Variants in ZNF596 observed in about 807,000 individuals in gnomAD.
The protein encoded by ZNF596 is zinc finger protein 596.
Under a neutral mutation model 48.3 loss-of-function variants are expected in ZNF596, and 45 were observed. The ratio of observed to expected loss-of-function variants is 0.93; its 90% CI spans 0.73 to 1.19. The LOEUF (loss-of-function observed/expected upper bound fraction) is 1.19, where lower values mean the gene tolerates loss of function less well. Among genes scored for constraint, ZNF596 ranks in the 50% most tolerant of loss-of-function variants. The probability of loss-of-function intolerance (pLI) is 0.00; values close to 1 mark genes in which losing one functional copy is unlikely to be tolerated. For synonymous variants in ZNF596, 270 were observed against 202.0 expected, an observed-to-expected ratio of 1.34 and a Z score of -2.85; for missense variants, 848 against 599.7, an observed-to-expected ratio of 1.41 and a Z score of -4.32.
At chr8:240,801 T>C in intron 1 of ZNF596, 23 bp from the exon 2 acceptor site, 1 of 1,525,188 alleles carries the variant, frequency 6.6e-7, no homozygotes, top group Non-Finnish European at 9.1e-7. Context: ...GGTTTTTTTG[T>C]TTTTGTTTTT....
rs1796956069 is a variant in ZNF596, at chr8:243,902, T to G, written c.223+97T>G. 1.2e-5 allele frequency: 13 copies of G among 1,066,898 alleles called. No individual in the cohort carries two copies. In the South Asian group the frequency reaches 1.4e-4, roughly 11 times the overall value. The allele number at this position is 1,066,898 out of a possible 1,614,324, so 66.1% of individuals were successfully genotyped here. On this transcript the variant is annotated intron_variant, in intron 4 of 5. Transcript: ENST00000398612. ...TTGCCAAAGGAAGATTTCTTTTGTT[T>G]TTTTAGACAGAATCTCACTCTGTCA...
At chr8:237,817 T>C (rs531810622) in intron 1 of ZNF596, 3 of 152,258 alleles carry the variant, frequency 2.0e-5, no homozygotes, top group Non-Finnish European at 4.4e-5. Context: ...ACTTGACATG[T>C]AGCAGACCCA....
chr8:241,245 G>A (rs186847176), intron 2 of ZNF596, among the ~76,000 whole-genome samples: 2 of 152,122 alleles, frequency 1.3e-5, no homozygotes, highest in East Asian at 1.9e-4. Flanking sequence ...GTTATTGGCA[G>A]GAGTGGGCTT....
rs1416786265 is a variant in ZNF596, at chr8:246,261, G to C, written c.1414G>C (p.Glu472Gln). ...ACTTCATAGAAGAGTTCACACTGGA[G>C]AGAAACCATATGTATGTCCTCTATG... ...FRLHRRVHTG[E>Q]KPYVCPLCGK... The change falls in exon 6 of 6, where the codon GAG (glutamate) becomes CAG (glutamine). Residue 472 changes from glutamate to glutamine, a missense_variant. Transcript: ENST00000398612. 3.1e-6 allele frequency: 5 copies of C among 1,613,128 alleles called. No individual in the cohort carries two copies. Among genetic ancestry groups the C allele is most frequent in the East Asian group, 2.2e-5 (1 of 44,788 alleles).
intron 2 of ZNF596, among the ~76,000 whole-genome samples, chr8:241,537 AT>A (rs1177653742): frequency 6.6e-6 from 1 of 152,214 alleles, no homozygotes; most frequent in African/African-American, 2.4e-5. Flanking sequence ...CTCTGATCAA[AT>A]TTGATAACTG....
At position 242,910 on chromosome 8, in the gene ZNF596, C is replaced by G; in HGVS notation, c.36C>G (p.Ile12Met). ...AGGATTCCATGACCTTCGAGGATAT[C>G]ATTGTAGACTTCACTCAAGAAGAGT... is the stretch of plus-strand genomic sequence containing the variant. ...PSPDSMTFED[I>M]IVDFTQEEWA... Residue 12 changes from isoleucine (I) to methionine (M), a missense_variant, in exon 3 of 6, where the codon ATC becomes ATG. Ile to Met is a conservative substitution (Grantham distance 10). Transcript: ENST00000398612. The G allele has an allele frequency of 6.3e-7, 1 of 1,585,140 alleles. No homozygotes were observed. Among genetic ancestry groups the G allele is most frequent in the Admixed American group, 1.7e-5 (1 of 57,904 alleles).
In ZNF596 at chr8:246,405, A is replaced by G. The variant is rs1296245316; in HGVS notation, c.*43A>G. On this transcript the variant is annotated 3_prime_UTR_variant, in exon 6 of 6. Coordinates refer to ENST00000398612, the MANE Select transcript of ZNF596 (RefSeq NM_001042416.3). ...GTTAACACTAAATACACCAAGGACA[A>G]ACATACTACAGGAATATTATGTCTG... 7 of 1,527,280 alleles carry G rather than the reference A, an allele frequency of 4.6e-6. No homozygotes were observed. Among genetic ancestry groups the G allele is most frequent in the Non-Finnish European group, 6.1e-6 (7 of 1,144,690 alleles). 94.6% of individuals were successfully genotyped at this position (1,527,280 alleles called of 1,614,324 possible).
intron 1 of ZNF596, among the ~76,000 whole-genome samples, chr8:238,895 C>T (rs940274054): frequency 2.1e-5 from 2 of 97,468 alleles, no homozygotes; most frequent in African/African-American, 9.3e-5. Context: ...AGCTATGAGA[C>T]AACACTGATA....
At position 232,620 on chromosome 8, in the gene ZNF596, C is replaced by G. The variant is rs186595678; in HGVS notation, c.-147C>G. On this transcript the variant is annotated 5_prime_UTR_variant, in exon 1 of 6. Transcript: ENST00000398612. ...TCTGCGTCTGTGTCCGGTTCCGTCA[C>G]TGAGGTCGCCCCTGTCCGGCCCTTC... 2,554 of 337,008 alleles carry G rather than the reference C, an allele frequency of 7.6e-3. 42 individuals are homozygous for G. Among genetic ancestry groups the G allele is most frequent in the South Asian group, 0.024 (1,019 of 43,286 alleles). The allele number at this position is 337,008 out of a possible 1,614,324, so 20.9% of individuals were successfully genotyped here.
intron 1 of ZNF596, chr8:233,114 G>C: frequency 1.1e-5 from 5 of 468,432 alleles, no homozygotes; most frequent in Admixed American, 2.4e-5. Flanking sequence ...GAAAAGGGGA[G>C]GGAAGTTTAG....
rs1167168569 is a variant in ZNF596, at chr8:238,628, C to CAAA, written c.-72-2169_-72-2167dup. ...TCAGCTTTGCCAACATGGTGAAATACAAAAAAAAAAAAAAAAAAAAAAAAA... is the reference window on the plus strand; with the variant it reads ...TCAGCTTTGCCAACATGGTGAAATACAAAAAAAAAAAAAAAAAAAAAAAAAAAA... On this transcript the variant is annotated intron_variant, in intron 1 of 5. Transcript: ENST00000398612. 2.5e-3 allele frequency among the ~76,000 whole-genome samples: 101 copies of CAAA among 39,846 alleles called. 3 individuals are homozygous for CAAA. Among genetic ancestry groups the CAAA allele is most frequent in the South Asian group, 6.6e-3 (7 of 1,058 alleles). 26.1% of individuals were successfully genotyped at this position (39,846 alleles called of 152,430 possible). A position where few individuals can be genotyped will look rare whatever the true frequency, so the allele number is the denominator to read the frequency against.
intron 2 of ZNF596, 75 bp downstream of exon 2, chr8:240,982 C>A: frequency 6.5e-7 from 1 of 1,544,766 alleles, no homozygotes; most frequent in Non-Finnish European, 9.0e-7. Flanking sequence ...ATCCTATTAA[C>A]ATGGATGTTC....
intron 4 of ZNF596, chr8:244,109 T>G (rs2240380): frequency 4.7e-6 from 1 of 214,300 alleles, no homozygotes; most frequent in East Asian, 1.5e-4. Flanking sequence ...AGGCTGGTCT[T>G]GAACTCCTGA....
intron 3 of ZNF596, 60 bp from the exon 4 acceptor site, chr8:243,662 T>G: frequency 6.4e-7 from 1 of 1,562,550 alleles, no homozygotes; most frequent in African/African-American, 1.4e-5. Flanking sequence ...CTGTATCTGA[T>G]AACCTTGTAC....
intron 4 of ZNF596, 100 bp from the exon 5 acceptor site, chr8:244,519 C>T (rs1010351172): frequency 3.9e-6 from 3 of 760,758 alleles, no homozygotes; most frequent in East Asian, 2.6e-5. Flanking sequence ...CTTTCCCTGT[C>T]TGTGTGTATT....
rs968718735 is a variant in ZNF596, at chr8:243,149, T to A, written c.139+136T>A. ...TCACTTCAACTTCTGCTTTGATCCT[T>A]TCATAACTCTCACAATTACCTGACA... On this transcript the variant is annotated intron_variant, in intron 3 of 5. Coordinates refer to ENST00000398612, the MANE Select transcript of ZNF596 (RefSeq NM_001042416.3). 4 of 693,314 alleles carry A rather than the reference T, an allele frequency of 5.8e-6. No individual in the cohort carries two copies. In the Admixed American group the frequency reaches 1.4e-4, roughly 25 times the overall value. 42.9% of individuals were successfully genotyped at this position (693,314 alleles called of 1,614,324 possible).
At chr8:244,770 G>C in intron 5 of ZNF596, 69 bp downstream of exon 5, 1 of 1,309,448 alleles carries the variant, frequency 7.6e-7, no homozygotes, top group Admixed American at 2.0e-5. Flanking sequence ...TTTGGAATTT[G>C]GTACAGGTAC....
chr8:244,468 C>G (rs1327090986), intron 4 of ZNF596, 151 bp from the exon 5 acceptor site: 2 of 648,512 alleles, frequency 3.1e-6, no homozygotes, highest in Admixed American at 5.9e-5. Context: ...AGTCAATGTG[C>G]TATAATACTC....
chr8:241,463 G>A (rs1399691525), intron 2 of ZNF596, among the ~76,000 whole-genome samples: 2 of 152,184 alleles, frequency 1.3e-5, no homozygotes, highest in Non-Finnish European at 2.9e-5. Flanking sequence ...GAGAATAAAT[G>A]TGAACTTTTG....
Sources: allele counts gnomAD v4.1 joint callset (sites outside exome capture counted in the v4.1 genomes callset), GRCh38; gene constraint gnomAD v4.1.1; transcripts MANE v1.5; gene names NCBI Gene and HGNC (gene_info 2026-07-23, HGNC 2026-07-21).